AKAP19: variants seen among roughly 807,000 people sequenced by gnomAD.
The protein encoded by AKAP19 is A-kinase anchoring protein 19.
At chr2:189,974,176 T>G in the AKAP19 span, among the ~76,000 whole-genome samples, 5,212 of 152,292 alleles carry the variant, frequency 0.034, 282 homozygotes, top group African/African-American at 0.11. Context: ...TCTGGTATGT[T>G]GTGTCTTTGT....
the AKAP19 span, among the ~76,000 whole-genome samples, chr2:190,047,759 T>C: frequency 6.6e-6 from 1 of 152,200 alleles, no homozygotes; most frequent in African/African-American, 2.4e-5. Context: ...GAAGAAAATG[T>C]TATTCCTTTG....
At chr2:190,010,050 G>A in the AKAP19 span, among the ~76,000 whole-genome samples, 1 of 152,168 alleles carries the variant, frequency 6.6e-6, no homozygotes, top group Non-Finnish European at 1.5e-5. Flanking sequence ...TCTGAAGATG[G>A]TAGAAATAAA....
At chr2:190,060,098 A>G in the AKAP19 span, 15 of 1,612,762 alleles carry the variant, frequency 9.3e-6, no homozygotes, top group African/African-American at 1.1e-4. Flanking sequence ...AGGTTACAGC[A>G]AGATCATGAC....
At chr2:190,189,978 G>A in the AKAP19 span, 1 of 152,202 alleles carries the variant, frequency 6.6e-6, no homozygotes, top group African/African-American at 2.4e-5. Context: ...GGTCCGCTCT[G>A]GATGCTGCCC....
the AKAP19 span, among the ~76,000 whole-genome samples, chr2:190,051,975 C>G: frequency 6.6e-6 from 1 of 151,960 alleles, no homozygotes; most frequent in South Asian, 2.1e-4. Flanking sequence ...GTAGCTGGGA[C>G]TACAGGCGCC....
the AKAP19 span, among the ~76,000 whole-genome samples, chr2:190,047,077 T>C: frequency 6.6e-6 from 1 of 152,176 alleles, no homozygotes; most frequent in Non-Finnish European, 1.5e-5. Flanking sequence ...CTCCCTTCAC[T>C]GACAGTATCA....
the AKAP19 span, among the ~76,000 whole-genome samples, chr2:189,986,378 A>C: frequency 7.0e-5 from 10 of 143,592 alleles, no homozygotes; most frequent in Non-Finnish European, 9.2e-5. Context: ...CAAAAAAAAA[A>C]CAAAAACAAA....
the AKAP19 span, among the ~76,000 whole-genome samples, chr2:189,887,614 C>T: frequency 6.6e-6 from 1 of 152,346 alleles, no homozygotes; most frequent in Non-Finnish European, 1.5e-5. Context: ...TGTTTCTCCA[C>T]ATCCTCTCCA....
At chr2:190,154,091 A>G in the AKAP19 span, among the ~76,000 whole-genome samples, 1 of 152,196 alleles carries the variant, frequency 6.6e-6, no homozygotes, top group Non-Finnish European at 1.5e-5. Flanking sequence ...TTTCAGTATT[A>G]TCTTACAGCA....
At chr2:190,097,993 C>T in the AKAP19 span, among the ~76,000 whole-genome samples, 1 of 152,024 alleles carries the variant, frequency 6.6e-6, no homozygotes, top group East Asian at 1.9e-4. Flanking sequence ...CTTGCTATTT[C>T]CATCACATCT....
the AKAP19 span, chr2:190,062,198 T>A: frequency 5.6e-6 from 9 of 1,611,454 alleles, no homozygotes; most frequent in African/African-American, 8.0e-5. Context: ...GCAGAACTGT[T>A]GATATACACT....
At chr2:190,106,336 G>C in the AKAP19 span, among the ~76,000 whole-genome samples, 12 of 152,132 alleles carry the variant, frequency 7.9e-5, no homozygotes, top group Non-Finnish European at 1.6e-4. Context: ...TGTCAGCCTT[G>C]TAAAATATAT....
the AKAP19 span, among the ~76,000 whole-genome samples, chr2:190,191,651 A>G: frequency 6.6e-6 from 1 of 152,136 alleles, no homozygotes; most frequent in Non-Finnish European, 1.5e-5. Flanking sequence ...TATTATTTTT[A>G]CCCATTCTAA....
chr2:189,893,083 C>A, the AKAP19 span, among the ~76,000 whole-genome samples: 1 of 152,190 alleles, frequency 6.6e-6, no homozygotes, highest in African/African-American at 2.4e-5. Flanking sequence ...CGCCCCTCCC[C>A]CTACTGAGTT....
chr2:190,172,724 G>A, the AKAP19 span, among the ~76,000 whole-genome samples: 1 of 152,196 alleles, frequency 6.6e-6, no homozygotes, highest in African/African-American at 2.4e-5. Flanking sequence ...TCAAATTCAA[G>A]TTCTAGCACA....
the AKAP19 span, among the ~76,000 whole-genome samples, chr2:190,069,567 A>G: frequency 1.3e-5 from 2 of 152,182 alleles, no homozygotes; most frequent in East Asian, 1.9e-4. Context: ...ATAGCCTTAG[A>G]AAAATTTAGT....
At chr2:189,930,378 C>T in the AKAP19 span, 5 of 403,606 alleles carry the variant, frequency 1.2e-5, no homozygotes, top group South Asian at 3.2e-5. Context: ...TGTACATGCA[C>T]GGTAGAAATT....
chr2:190,199,865 G>T, the AKAP19 span: 8 of 1,613,250 alleles, frequency 5.0e-6, no homozygotes, highest in Non-Finnish European at 6.8e-6. Flanking sequence ...CATAACATGG[G>T]CTGCATGAAA....
At chr2:189,919,543 A>G in the AKAP19 span, among the ~76,000 whole-genome samples, 2 of 150,828 alleles carry the variant, frequency 1.3e-5, no homozygotes, top group Admixed American at 1.3e-4. Context: ...CCCTCCCCTT[A>G]CCCCCACTCC....
Sources: allele counts gnomAD v4.1 joint callset (sites outside exome capture counted in the v4.1 genomes callset), GRCh38; gene constraint gnomAD v4.1.1; transcripts MANE v1.5; gene names NCBI Gene and HGNC (gene_info 2026-07-23, HGNC 2026-07-21).